Variants in CADM1 observed in about 807,000 individuals in gnomAD.
CADM1 encodes the protein cell adhesion molecule 1.
In CADM1, 15 loss-of-function variants were observed where a neutral mutation model predicts 53.1. The ratio of observed to expected loss-of-function variants is 0.28; its 90% CI spans 0.19 to 0.44. The LOEUF is 0.44. CADM1 is among the 20% of genes least tolerant of loss of function. CADM1 has a pLI of 1.00. For missense variants in CADM1, 434 were observed against 611.3 expected, an observed-to-expected ratio of 0.71 and a Z score of 3.06; for synonymous variants, 281 against 243.0, an observed-to-expected ratio of 1.16 and a Z score of -1.45.
In CADM1 at chr11:115,174,214, G is replaced by GTGTACTGTGT. The variant is rs1938908622; in HGVS notation, c.*2259_*2260insACACAGTACA. ...GCACTACTGTACACTTTTCAAAACA[G>GTGTACTGTGT]AAAGATGGGAGGTCCCAAAAATGAG... On this transcript the variant is annotated 3_prime_UTR_variant, in exon 12 of 12. Transcript: ENST00000331581. 1 of 984,588 alleles carries GTGTACTGTGT rather than the reference G, an allele frequency of 1.0e-6. No individual in the cohort carries two copies. Among genetic ancestry groups the GTGTACTGTGT allele is most frequent in the Non-Finnish European group, 1.2e-6 (1 of 829,812 alleles). The allele number at this position is 984,588 out of a possible 1,614,324, so 61.0% of individuals were successfully genotyped here. A position where few individuals can be genotyped will look rare whatever the true frequency, so the allele number is the denominator to read the frequency against.
intron 5 of CADM1, among the ~76,000 whole-genome samples, chr11:115,221,166 TG>T (rs1353622677): frequency 3.9e-5 from 6 of 152,222 alleles, no homozygotes; most frequent in African/African-American, 1.4e-4. Context: ...TCACTCAGAA[TG>T]GCTTAATGTC....
intron 1 of CADM1, among the ~76,000 whole-genome samples, chr11:115,461,025 G>A (rs1453504576): frequency 6.6e-6 from 1 of 152,032 alleles, no homozygotes. Context: ...TAACCAACCT[G>A]AAGTAAAATT....
chr11:115,400,615 C>A (rs1389194789), intron 1 of CADM1, among the ~76,000 whole-genome samples: 16 of 98,186 alleles, frequency 1.6e-4, no homozygotes, highest in South Asian at 3.4e-4. Flanking sequence ...TAATATATAT[C>A]TTTTATATAT....
At chr11:115,342,054 T>C (rs1029996195) in intron 1 of CADM1, among the ~76,000 whole-genome samples, 1 of 152,150 alleles carries the variant, frequency 6.6e-6, no homozygotes, top group Admixed American at 6.6e-5. Flanking sequence ...ATACCCAATA[T>C]ATAAGATCTC....
At chr11:115,385,102 A>G (rs1946667026) in intron 1 of CADM1, among the ~76,000 whole-genome samples, 1 of 152,084 alleles carries the variant, frequency 6.6e-6, no homozygotes, top group Non-Finnish European at 1.5e-5. Flanking sequence ...ACCCTTACAG[A>G]AAACATACAT....
chr11:115,271,751 A>T (rs1943304892), intron 1 of CADM1, among the ~76,000 whole-genome samples: 1 of 152,216 alleles, frequency 6.6e-6, no homozygotes, highest in Non-Finnish European at 1.5e-5. Context: ...TTTTCAGGGC[A>T]GTTTTCAGAA....
intron 1 of CADM1, among the ~76,000 whole-genome samples, chr11:115,437,501 C>T (rs192939041): frequency 6.6e-6 from 1 of 152,312 alleles, no homozygotes; most frequent in East Asian, 1.9e-4. Flanking sequence ...CGCAGGAAGA[C>T]ATTTTCTCAC....
At chr11:115,297,140 T>C (rs971282249) in intron 1 of CADM1, among the ~76,000 whole-genome samples, 1 of 152,216 alleles carries the variant, frequency 6.6e-6, no homozygotes, top group Non-Finnish European at 1.5e-5. Context: ...TCACTGGATA[T>C]GCAATAGAAA....
chr11:115,328,707 T>TAC (rs370946721), intron 1 of CADM1, among the ~76,000 whole-genome samples: 3,885 of 104,312 alleles, frequency 0.037, 669 homozygotes, highest in East Asian at 0.12. Context: ...TATATGTATA[T>TAC]ATATATGTGT....
intron 1 of CADM1, among the ~76,000 whole-genome samples, chr11:115,434,821 G>T (rs895508232): frequency 6.7e-6 from 1 of 149,736 alleles, no homozygotes; most frequent in South Asian, 2.1e-4. Flanking sequence ...TCTGACAATT[G>T]TATCAGTTCT....
At chr11:115,423,155 A>C (rs1947802279) in intron 1 of CADM1, among the ~76,000 whole-genome samples, 1 of 152,224 alleles carries the variant, frequency 6.6e-6, no homozygotes, top group Non-Finnish European at 1.5e-5. Context: ...CATTCGAGTG[A>C]ACACCTGAAG....
chr11:115,355,030 T>A (rs762977909), intron 1 of CADM1, among the ~76,000 whole-genome samples: 17 of 152,320 alleles, frequency 1.1e-4, no homozygotes, highest in Non-Finnish European at 1.6e-4. Context: ...TTGTAGAAGC[T>A]TAATTTGCTA....
intron 6 of CADM1, among the ~76,000 whole-genome samples, chr11:115,216,381 A>G (rs1388319357): frequency 2.0e-5 from 3 of 152,220 alleles, no homozygotes; most frequent in African/African-American, 7.2e-5. Flanking sequence ...GGAAAAATAC[A>G]AAAACAAAGT....
intron 1 of CADM1, among the ~76,000 whole-genome samples, chr11:115,316,010 C>A (rs922656409): frequency 2.6e-5 from 4 of 152,136 alleles, no homozygotes; most frequent in African/African-American, 9.7e-5. Context: ...CTCCTGTAGA[C>A]AGGCATCCTG....
At chr11:115,428,460 C>T (rs968253067) in intron 1 of CADM1, among the ~76,000 whole-genome samples, 1 of 151,870 alleles carries the variant, frequency 6.6e-6, no homozygotes, top group Non-Finnish European at 1.5e-5. Context: ...GTCCTTGCAT[C>T]TGGTGAATTT....
chr11:115,493,076 T>A (rs571647120), intron 1 of CADM1, among the ~76,000 whole-genome samples: 32 of 152,158 alleles, frequency 2.1e-4, no homozygotes, highest in African/African-American at 7.0e-4. Context: ...GAATCAGGAT[T>A]CCTTGGAGAA....
At chr11:115,340,823 G>C (rs1350149949) in intron 1 of CADM1, among the ~76,000 whole-genome samples, 1 of 150,326 alleles carries the variant, frequency 6.7e-6, no homozygotes. Context: ...ATCACCCCCA[G>C]CTAATTTTTG....
rs980419305 is a variant in CADM1, at chr11:115,404,025, T to C, written c.124+100246A>G. Among the ~76,000 whole-genome samples the C allele has an allele frequency of 3.3e-5, 5 of 150,802 alleles. No homozygotes were observed. In the South Asian group the frequency reaches 6.3e-4, roughly 19 times the overall value. ...GCATGGAAACAACCAGATATCCTCA[T>C]AGAAAAAAAATAAAATTAGGCTGGG... On this transcript the variant is annotated intron_variant, in intron 1 of 11. Coordinates refer to ENST00000331581, the MANE Select transcript of CADM1 (RefSeq NM_001301043.2).
At chr11:115,254,978 C>G (rs1489659598) in intron 1 of CADM1, among the ~76,000 whole-genome samples, 2 of 152,044 alleles carry the variant, frequency 1.3e-5, no homozygotes, top group Non-Finnish European at 2.9e-5. Flanking sequence ...AGGAAAAGGG[C>G]TGGAGTCAGG....
Sources: gnomAD v4.1 joint callset for allele counts (sites outside exome capture counted in the v4.1 genomes callset) on GRCh38, gnomAD v4.1.1 for gene constraint, MANE v1.5 for transcripts, NCBI Gene and HGNC (gene_info 2026-07-23, HGNC 2026-07-21) for gene names.